The following BCAR3 variants were observed in gnomAD, a reference collection of about 807,000 sequenced individuals.
The protein encoded by BCAR3 is BCAR3 adaptor protein, NSP family member.
BCAR3 carries 37 observed loss-of-function variants against 80.1 expected under a neutral mutation model. That is an observed-to-expected ratio of 0.46 (90% confidence interval 0.36 to 0.61). The LOEUF (loss-of-function observed/expected upper bound fraction) is 0.61, where lower values mean the gene tolerates loss of function less well. Ranked by LOEUF, BCAR3 falls within the 20% of genes least tolerant of loss-of-function variation. BCAR3 has a pLI of 0.00. For missense variants in BCAR3, 978 were observed against 1,068.2 expected (o/e 0.92, Z 1.18); for synonymous variants, 389 against 418.9 (o/e 0.93, Z 0.87).
At chr1:93,790,346 T>C (rs988694001) in intron 2 of BCAR3, among the ~76,000 whole-genome samples, 2 of 152,176 alleles carry the variant, frequency 1.3e-5, no homozygotes, top group Non-Finnish European at 2.9e-5. Flanking sequence ...CTTTTTTATA[T>C]ATGTGAGTTG....
At chr1:93,587,457 T>C (rs889291394) in intron 5 of BCAR3, among the ~76,000 whole-genome samples, 4 of 152,202 alleles carry the variant, frequency 2.6e-5, no homozygotes, top group Non-Finnish European at 5.9e-5. Flanking sequence ...TCCATCTTTC[T>C]AGATGAAGAA....
At chr1:93,593,460 C>T (rs1436910672) in intron 3 of BCAR3, among the ~76,000 whole-genome samples, 1 of 152,148 alleles carries the variant, frequency 6.6e-6, no homozygotes, top group Admixed American at 6.5e-5. Flanking sequence ...AAGCAACCTC[C>T]TGGGCTCAAG....
At chr1:93,580,475 A>G (rs1673656755) in intron 7 of BCAR3, among the ~76,000 whole-genome samples, 1 of 151,942 alleles carries the variant, frequency 6.6e-6, no homozygotes, top group African/African-American at 2.4e-5. Flanking sequence ...GGCTTCTGCA[A>G]CAGTAGATTC....
chr1:93,632,608 A>C (rs138355533), intron 3 of BCAR3, among the ~76,000 whole-genome samples: 54 of 152,292 alleles, frequency 3.5e-4, no homozygotes, highest in African/African-American at 1.3e-3. Flanking sequence ...TCGTAAGTGG[A>C]GTAGAATCTG....
intron 2 of BCAR3, among the ~76,000 whole-genome samples, chr1:93,844,182 C>G (rs1249584884): frequency 2.0e-5 from 3 of 152,142 alleles, no homozygotes; most frequent in Non-Finnish European, 4.4e-5. Context: ...TGGCACGTGC[C>G]TGTAATCCCA....
At chr1:93,613,876 A>G (rs1675026683) in intron 3 of BCAR3, 2 of 1,550,490 alleles carry the variant, frequency 1.3e-6, no homozygotes, top group South Asian at 1.2e-5. Flanking sequence ...TTGCGGTGAT[A>G]GAAGCAGCAC....
intron 3 of BCAR3, among the ~76,000 whole-genome samples, chr1:93,689,531 C>CAA (rs59833848): frequency 4.3e-5 from 5 of 115,906 alleles, no homozygotes; most frequent in Admixed American, 9.3e-5. Context: ...AACTACATCT[C>CAA]AAAAAAAAAA....
chr1:93,707,914 C>G (rs1257193784), intron 2 of BCAR3, among the ~76,000 whole-genome samples: 1 of 152,166 alleles, frequency 6.6e-6, no homozygotes, highest in Non-Finnish European at 1.5e-5. Flanking sequence ...ACCTAAACAA[C>G]AGATGACCCA....
chr1:93,818,329 G>A (rs192782606), intron 2 of BCAR3, among the ~76,000 whole-genome samples: 20 of 152,176 alleles, frequency 1.3e-4, no homozygotes, highest in African/African-American at 4.6e-4. Flanking sequence ...CACAGCTGAC[G>A]TTAATCTTCA....
intron 2 of BCAR3, among the ~76,000 whole-genome samples, chr1:93,648,981 C>T (rs1006927506): frequency 6.6e-6 from 1 of 152,204 alleles, no homozygotes; most frequent in Non-Finnish European, 1.5e-5. Flanking sequence ...TGACTGTTCC[C>T]TGCTTTAGAG....
chr1:93,682,292 T>C (rs1198560126), upstream of BCAR3, among the ~76,000 whole-genome samples: 1 of 152,192 alleles, frequency 6.6e-6, no homozygotes, highest in Admixed American at 6.5e-5. Flanking sequence ...ACTTCAGCAC[T>C]AGATGATTTG....
intron 2 of BCAR3, among the ~76,000 whole-genome samples, chr1:93,804,096 C>G (rs1362270400): frequency 1.3e-5 from 2 of 152,170 alleles, no homozygotes; most frequent in Non-Finnish European, 2.9e-5. Context: ...GGATGGCTTA[C>G]AGCCAGGAGT....
At chr1:93,763,517 A>G (rs1191719482) in intron 2 of BCAR3, among the ~76,000 whole-genome samples, 1 of 152,236 alleles carries the variant, frequency 6.6e-6, no homozygotes, top group African/African-American at 2.4e-5. Flanking sequence ...AGGTTAAGTA[A>G]CCTGGCTAAG....
intron 3 of BCAR3, among the ~76,000 whole-genome samples, chr1:93,617,332 C>A (rs1466313258): frequency 6.6e-6 from 1 of 152,206 alleles, no homozygotes; most frequent in African/African-American, 2.4e-5. Flanking sequence ...TAGGTACCTG[C>A]TTTTCACTGT....
intron 1 of BCAR3, among the ~76,000 whole-genome samples, chr1:93,846,327 G>C (rs983897973): frequency 2.0e-5 from 3 of 152,222 alleles, no homozygotes; most frequent in Non-Finnish European, 4.4e-5. Flanking sequence ...GGCTGTGGCC[G>C]AGCCGAGAAA....
intron 2 of BCAR3, among the ~76,000 whole-genome samples, chr1:93,770,535 C>T (rs1652322419): frequency 6.6e-6 from 1 of 152,084 alleles, no homozygotes; most frequent in African/African-American, 2.4e-5. Flanking sequence ...CCCTTTCTGA[C>T]TATGTCCCTC....
rs1673958701 is a variant in BCAR3 at position 93,586,776 on chromosome 1, G to C, written c.929+2201C>G. Among the ~76,000 whole-genome samples, 1 of 152,112 alleles carries C rather than the reference G, an allele frequency of 6.6e-6. No homozygotes were observed. The highest frequency in any genetic ancestry group is 6.5e-5 in the Admixed American group (1 of 15,280). ...GTAAGGTGATATCCATTATAGTTTT[G>C]ATTTGCATTTCTCTGATGACCAATC... On this transcript the variant is annotated intron_variant, in intron 5 of 11. Transcript: ENST00000260502. The surrounding 1 kb of genome is among the most constrained non-coding windows in gnomAD (Gnocchi z 4.2).
intron 2 of BCAR3, among the ~76,000 whole-genome samples, chr1:93,785,986 G>A (rs1318857220): frequency 8.6e-6 from 1 of 116,074 alleles, no homozygotes; most frequent in African/African-American, 4.6e-5. Flanking sequence ...GAGGTCAGGA[G>A]ATCAAGACCA....
chr1:93,638,080 T>C (rs1179402416), intron 3 of BCAR3, among the ~76,000 whole-genome samples: 1 of 152,162 alleles, frequency 6.6e-6, no homozygotes, highest in Non-Finnish European at 1.5e-5. Flanking sequence ...AAACCCCATC[T>C]CTACTAAAAA....
Sources: gnomAD v4.1 joint callset for allele counts (sites outside exome capture counted in the v4.1 genomes callset) on GRCh38, gnomAD v4.1.1 for gene constraint, Gnocchi (gnomAD v3.1) non-coding constraint, MANE v1.5 for transcripts, NCBI Gene and HGNC (gene_info 2026-07-23, HGNC 2026-07-21) for gene names.